SEPTIN9: variants seen among roughly 807,000 people sequenced by gnomAD.
SEPTIN9 encodes septin-9.
A neutral mutation model predicts 56.6 loss-of-function variants in SEPTIN9; 13 were observed. The ratio of observed to expected loss-of-function variants is 0.23; its 90% CI spans 0.15 to 0.37. SEPTIN9 has a LOEUF of 0.37. SEPTIN9 is among the 10% of genes least tolerant of loss of function. The pLI is 1.00. For missense variants in SEPTIN9, 650 were observed against 823.1 expected, an observed-to-expected ratio of 0.79 and a Z score of 2.57; for synonymous variants, 332 against 334.1, an observed-to-expected ratio of 0.99 and a Z score of 0.07.
intron 3 of SEPTIN9, among the ~76,000 whole-genome samples, chr17:77,427,713 G>C (rs1315368289): frequency 6.6e-6 from 1 of 152,182 alleles, no homozygotes; most frequent in Non-Finnish European, 1.5e-5. Flanking sequence ...TGCCTGCAGG[G>C]TCTTGAGCCC....
chr17:77,429,045 C>T lies in SEPTIN9; in HGVS notation c.721+26342C>T. 2.1e-6 allele frequency: 1 copy of T among 471,560 alleles called. No individual in the cohort carries two copies. The highest frequency in any genetic ancestry group is 1.5e-5 in the South Asian group (1 of 64,570). 29.2% of individuals were successfully genotyped at this position (471,560 alleles called of 1,614,324 possible). On this transcript the variant is annotated intron_variant, in intron 3 of 11. Transcript: ENST00000427177. This position sits in a 1 kb window ranked among gnomAD's most constrained non-coding sequence, Gnocchi z 5.2. ...TGGGAGCATCTCAGCAGCCCTCCGC[C>T]CCCTGCTCCTGGTTGCAGATGTACC...
Position 77,391,267 on chromosome 17 carries a change from C to T in SEPTIN9, c.77-10792C>T, listed in dbSNP as rs949196912. On this transcript the variant is annotated intron_variant, in intron 2 of 11. Transcript: ENST00000427177. ...CCACAGCAGGCTCTAGGCCTCCTCCCGTTTCTTTTCTGTGTTCTGTTCCTG... is the reference window on the plus strand; with the variant it reads ...CCACAGCAGGCTCTAGGCCTCCTCCTGTTTCTTTTCTGTGTTCTGTTCCTG... Among the ~76,000 whole-genome samples, 7 of 152,256 alleles carry T rather than the reference C, an allele frequency of 4.6e-5. No homozygotes were observed. The South Asian group carries it at 1.2e-3, about 27-fold the overall frequency.
intron 2 of SEPTIN9, among the ~76,000 whole-genome samples, chr17:77,360,898 CTTGT>C (rs1422116135): frequency 6.7e-6 from 1 of 148,912 alleles, no homozygotes; most frequent in African/African-American, 2.5e-5. Flanking sequence ...CAGTTTCAGC[CTTGT>C]TTGTCTTTCA....
chr17:77,334,839 G>A (rs1002334094), intron 2 of SEPTIN9, among the ~76,000 whole-genome samples: 6 of 152,040 alleles, frequency 3.9e-5, no homozygotes, highest in Admixed American at 6.5e-5. Context: ...GTTAATTCTT[G>A]TTTTTCTATA....
chr17:77,418,780 T>A (rs3987887), intron 3 of SEPTIN9, among the ~76,000 whole-genome samples: 1,859 of 152,102 alleles, frequency 0.012, 47 homozygotes, highest in African/African-American at 0.042. Flanking sequence ...ACGGGGGACC[T>A]TTTGGGGATC....
At chr17:77,455,545 C>T (rs2038160948) in intron 3 of SEPTIN9, among the ~76,000 whole-genome samples, 1 of 152,376 alleles carries the variant, frequency 6.6e-6, no homozygotes, top group East Asian at 1.9e-4. Context: ...TATCTCTCAG[C>T]CTTTGTTCCA....
intron 3 of SEPTIN9, among the ~76,000 whole-genome samples, chr17:77,420,377 G>A (rs1473121718): frequency 2.0e-5 from 3 of 152,324 alleles, no homozygotes; most frequent in South Asian, 4.1e-4. Context: ...GTGGTTCTGC[G>A]AGGCCCCTAC....
Position 77,330,392 on chromosome 17 carries a change from A to G in SEPTIN9, c.76+23195A>G, listed in dbSNP as rs1242900904. ...GTGGTGAGACAGGGACTCATTGATC[A>G]TGGGACTGACACCCCCTCATGTTGA... On this transcript the variant is annotated intron_variant, in intron 2 of 11. Transcript: ENST00000427177. This position sits in a 1 kb window ranked among gnomAD's most constrained non-coding sequence, Gnocchi z 4.4. Among the ~76,000 whole-genome samples the G allele has an allele frequency of 6.6e-6, 1 of 152,144 alleles. No individual in the cohort carries two copies. Among genetic ancestry groups the G allele is most frequent in the Non-Finnish European group, 1.5e-5 (1 of 68,000 alleles).
chr17:77,403,022 G>GC (rs2035955433), intron 3 of SEPTIN9, among the ~76,000 whole-genome samples: 1 of 152,136 alleles, frequency 6.6e-6, no homozygotes, highest in Admixed American at 6.5e-5. Flanking sequence ...TCCCTGGAGG[G>GC]CCTGGGAGGC....
intron 3 of SEPTIN9, among the ~76,000 whole-genome samples, chr17:77,415,627 C>CAAAA (rs772446190): frequency 3.2e-5 from 2 of 63,218 alleles, no homozygotes; most frequent in Non-Finnish European, 6.7e-5. Flanking sequence ...GACTATGTCT[C>CAAAA]AAAAAAAAAA....
intron 3 of SEPTIN9, among the ~76,000 whole-genome samples, chr17:77,468,328 C>T (rs370260087): frequency 2.6e-4 from 39 of 152,106 alleles, no homozygotes; most frequent in Non-Finnish European, 3.4e-4. Context: ...TGAGCTATCC[C>T]GGGAAAACAA....
In SEPTIN9 at chr17:77,329,010, G is replaced by T. The variant is rs1432174468; in HGVS notation, c.76+21813G>T. ...GGCAAAGGAAACAGCAGGTGTGAAG[G>T]CCCGAGGCTGGAGCCTGGGGAAGGT... On this transcript the variant is annotated intron_variant, in intron 2 of 11. Transcript: ENST00000427177. This position sits in a 1 kb window ranked among gnomAD's most constrained non-coding sequence, Gnocchi z 4.3. 1.3e-5 allele frequency among the ~76,000 whole-genome samples: 2 copies of T among 152,222 alleles called. No individual in the cohort carries two copies. Among genetic ancestry groups the T allele is most frequent in the Non-Finnish European group, 2.9e-5 (2 of 68,046 alleles).
intron 2 of SEPTIN9, chr17:77,373,693 G>A (rs189169886): frequency 8.1e-6 from 11 of 1,361,544 alleles, no homozygotes; most frequent in Non-Finnish European, 1.0e-5. Context: ...GCGCCCTCCC[G>A]CTGAGAGCGC....
chr17:77,290,315 T>C (rs960292042), intron 1 of SEPTIN9, among the ~76,000 whole-genome samples: 1 of 150,642 alleles, frequency 6.6e-6, no homozygotes, highest in Non-Finnish European at 1.5e-5. Flanking sequence ...TGGAGTGCAG[T>C]GGCGCGATCT....
chr17:77,354,658 T>G (rs1247951868), intron 2 of SEPTIN9, among the ~76,000 whole-genome samples: 1 of 151,994 alleles, frequency 6.6e-6, no homozygotes, highest in Non-Finnish European at 1.5e-5. Flanking sequence ...TCATTTCTCC[T>G]CCCAAGAAGC....
chr17:77,402,199 C>T lies in SEPTIN9; in HGVS notation c.217C>T (p.Pro73Ser), dbSNP rs369955777. 3.1e-6 allele frequency: 5 copies of T among 1,613,734 alleles called. No individual in the cohort carries two copies. Among genetic ancestry groups the T allele is most frequent in the African/African-American group, 2.7e-5 (2 of 75,068 alleles). The part of the protein sequence containing the change: ...FQDLGVKNSE[P>S]SARHVDSLSQ... ...GGACCTGGGCGTGAAGAACTCAGAA[C>T]CCTCGGCCCGCCATGTGGACTCCCT... Residue 73 changes from proline (P) to serine (S), a missense_variant, in exon 3 of 12, where the codon CCC becomes TCC. Pro to Ser is a moderately conservative substitution (Grantham distance 74). Around this residue, in one of 2 missense-constraint regions of SEPTIN9, gnomAD observed 317 missense variants for 329.1 expected, o/e 0.96. Transcript: ENST00000427177. This position sits in a 1 kb window ranked among gnomAD's most constrained non-coding sequence, Gnocchi z 6.6.
intron 10 of SEPTIN9, among the ~76,000 whole-genome samples, chr17:77,495,937 G>T (rs1026404508): frequency 3.9e-5 from 6 of 152,226 alleles, no homozygotes; most frequent in African/African-American, 1.4e-4. Context: ...TATGGGTTCT[G>T]CATCCCGCTC....
intron 2 of SEPTIN9, among the ~76,000 whole-genome samples, chr17:77,320,548 A>C (rs2032875749): frequency 6.6e-6 from 1 of 152,174 alleles, no homozygotes; most frequent in African/African-American, 2.4e-5. Flanking sequence ...GCTTTTATTT[A>C]AACTCGGCTC....
chr17:77,281,578 G>T (rs1448035645), intron 1 of SEPTIN9, 24 bp downstream of exon 1: 5 of 1,535,556 alleles, frequency 3.3e-6, no homozygotes, highest in Non-Finnish European at 4.4e-6. Context: ...CCGGGGTGGG[G>T]AGGGGTCGGT....
Sources: allele counts gnomAD v4.1 joint callset (sites outside exome capture counted in the v4.1 genomes callset), GRCh38; gene constraint gnomAD v4.1.1; regional missense constraint gnomAD v4.1.1; non-coding constraint Gnocchi (gnomAD v3.1); transcripts MANE v1.5; gene names NCBI Gene and HGNC (gene_info 2026-07-23, HGNC 2026-07-21).